The following COL11A1 variants were observed in gnomAD, a reference collection of about 807,000 sequenced individuals.
COL11A1 encodes collagen alpha-1(XI) chain.
A neutral mutation model predicts 265.2 loss-of-function variants in COL11A1; 74 were observed. That is an observed-to-expected ratio of 0.28 (90% CI 0.23 to 0.34). The LOEUF is 0.34. Ranked by LOEUF, COL11A1 falls within the 10% of genes least tolerant of loss-of-function variation. The probability of loss-of-function intolerance (pLI) is 1.00; values close to 1 mark genes in which losing one functional copy is unlikely to be tolerated. For synonymous variants in COL11A1, 816 were observed against 727.6 expected (o/e 1.12, Z -1.96); for missense variants, 2,165 against 2,263.6 (o/e 0.96, Z 0.88).
At chr1:103,070,337 T>C (rs1400134467) in intron 4 of COL11A1, among the ~76,000 whole-genome samples, 2 of 151,494 alleles carry the variant, frequency 1.3e-5, no homozygotes, top group South Asian at 2.1e-4. Flanking sequence ...ACATCACCAG[T>C]ACAGTCTATA....
At chr1:102,920,078 C>T (rs551614447) in intron 49 of COL11A1, among the ~76,000 whole-genome samples, 1 of 152,100 alleles carries the variant, frequency 6.6e-6, no homozygotes, top group African/African-American at 2.4e-5. Flanking sequence ...TTGTGAGGTT[C>T]CTGCTTAAAG....
intron 18 of COL11A1, among the ~76,000 whole-genome samples, chr1:103,005,340 T>G (rs1263754361): frequency 6.6e-6 from 1 of 152,180 alleles, no homozygotes; most frequent in Non-Finnish European, 1.5e-5. Flanking sequence ...CTGTTCAGAA[T>G]CATGGTTTCT....
intron 38 of COL11A1, 127 bp from the exon 39 acceptor site, chr1:102,962,887 C>G: frequency 1.3e-6 from 1 of 797,960 alleles, no homozygotes. Context: ...TGATGTCCTA[C>G]AAAACACTTC....
chr1:103,057,982 T>C (rs1670370397), intron 4 of COL11A1, among the ~76,000 whole-genome samples: 1 of 152,204 alleles, frequency 6.6e-6, no homozygotes, highest in Non-Finnish European at 1.5e-5. Context: ...CTTTGAAGCT[T>C]TAAAGCCAGG....
intron 5 of COL11A1, 110 bp from the exon 6 acceptor site, chr1:103,026,442 A>G (rs950447741): frequency 6.6e-6 from 5 of 758,960 alleles, no homozygotes; most frequent in African/African-American, 1.7e-5. Flanking sequence ...GAGATAAGAA[A>G]TTAATGTTAT....
chr1:102,913,562 A>G (rs974626769), intron 53 of COL11A1, 75 bp downstream of exon 53: 5 of 1,367,444 alleles, frequency 3.7e-6, no homozygotes, highest in South Asian at 1.2e-5. Context: ...TCAAAGGCTG[A>G]TTACTTCTAA....
At chr1:102,970,395 T>C in intron 36 of COL11A1, 123 bp from the exon 37 acceptor site, 2 of 690,316 alleles carry the variant, frequency 2.9e-6, no homozygotes, top group Non-Finnish European at 4.9e-6. Context: ...ACTTTGCTCT[T>C]CTGTTGATTT....
intron 41 of COL11A1, among the ~76,000 whole-genome samples, chr1:102,947,843 C>T (rs902042011): frequency 2.3e-4 from 35 of 151,722 alleles, no homozygotes; most frequent in African/African-American, 8.4e-4. Flanking sequence ...ATTTTAGTTA[C>T]TAAAAGATAA....
intron 41 of COL11A1, among the ~76,000 whole-genome samples, chr1:102,954,308 C>T (rs1325101432): frequency 6.6e-6 from 1 of 152,100 alleles, no homozygotes; most frequent in Non-Finnish European, 1.5e-5. Flanking sequence ...AGAAAGTATT[C>T]CCCTAATCCC....
intron 56 of COL11A1, among the ~76,000 whole-genome samples, chr1:102,898,416 A>G (rs1393004724): frequency 6.6e-6 from 1 of 151,848 alleles, no homozygotes; most frequent in African/African-American, 2.4e-5. Context: ...AACATTTCAC[A>G]TCATTGAAAT....
chr1:103,034,740 T>C (rs1190497580), intron 4 of COL11A1, among the ~76,000 whole-genome samples: 4 of 150,096 alleles, frequency 2.7e-5, no homozygotes, highest in Non-Finnish European at 6.0e-5. Context: ...TTACTTTGTA[T>C]GGCACTTAAT....
chr1:103,078,945 T>C (rs1014568477), intron 2 of COL11A1, 74 bp from the exon 3 acceptor site: 1 of 1,081,348 alleles, frequency 9.2e-7, no homozygotes, highest in African/African-American at 1.6e-5. Context: ...CACTGTGGTA[T>C]TTTTGAAATT....
chr1:103,048,008 T>C (rs1180019359), intron 4 of COL11A1, among the ~76,000 whole-genome samples: 2 of 152,322 alleles, frequency 1.3e-5, no homozygotes, highest in East Asian at 1.9e-4. Context: ...AGTTTGCCAG[T>C]ATTTTATTGA....
chr1:103,079,147 C>T (rs1345662191), intron 2 of COL11A1, among the ~76,000 whole-genome samples: 1 of 152,008 alleles, frequency 6.6e-6, no homozygotes, highest in African/African-American at 2.4e-5. Flanking sequence ...GATTATGATA[C>T]CAGTAAATAT....
chr1:103,028,123 C>T (rs1667695169), intron 5 of COL11A1, among the ~76,000 whole-genome samples: 1 of 152,000 alleles, frequency 6.6e-6, no homozygotes, highest in Non-Finnish European at 1.5e-5. Flanking sequence ...CTCCACCTCC[C>T]GGGTTCAAGC....
intron 63 of COL11A1, among the ~76,000 whole-genome samples, chr1:102,885,347 C>A (rs2077570): frequency 0.073 from 11,039 of 152,044 alleles, 554 homozygotes; most frequent in Non-Finnish European, 0.1. Flanking sequence ...ATACTTCCAA[C>A]TGTTTTTCAT....
chr1:103,023,444 A>C (rs181355042), intron 7 of COL11A1, among the ~76,000 whole-genome samples: 1 of 149,884 alleles, frequency 6.7e-6, no homozygotes, highest in African/African-American at 2.5e-5. Flanking sequence ...AGCAACCTCC[A>C]CCTCCTGGGT....
intron 30 of COL11A1, among the ~76,000 whole-genome samples, chr1:102,985,365 G>T (rs1663435813): frequency 6.6e-6 from 1 of 152,074 alleles, no homozygotes; most frequent in Non-Finnish European, 1.5e-5. Flanking sequence ...CTAAAGAGTT[G>T]TCCAAGTCAT....
At chr1:102,926,601 T>C (rs565905821) in intron 46 of COL11A1, among the ~76,000 whole-genome samples, 45 of 152,266 alleles carry the variant, frequency 3.0e-4, no homozygotes, top group African/African-American at 1.0e-3. Context: ...TGTGGGAAAA[T>C]GCAATCACTT....
Sources: allele counts gnomAD v4.1 joint callset (sites outside exome capture counted in the v4.1 genomes callset), GRCh38; gene constraint gnomAD v4.1.1; transcripts MANE v1.5; gene names NCBI Gene and HGNC (gene_info 2026-07-23, HGNC 2026-07-21).